The following NUP210L variants were observed in gnomAD, a reference collection of about 807,000 sequenced individuals.
NUP210L encodes nucleoporin 210 like.
In NUP210L, 74 loss-of-function variants were observed where a neutral mutation model predicts 208.5. The ratio of observed to expected loss-of-function variants is 0.35; its 90% CI spans 0.29 to 0.43. The LOEUF (loss-of-function observed/expected upper bound fraction) is 0.43, where lower values mean the gene tolerates loss of function less well. Ranked by LOEUF, NUP210L falls within the 20% of genes least tolerant of loss-of-function variation. The pLI is 1.00. For missense variants in NUP210L, 1,843 were observed against 2,289.4 expected (o/e 0.81, Z 3.98); for synonymous variants, 780 against 816.9 (o/e 0.95, Z 0.77).
At chr1:153,995,997 T>TAA (rs530432726) in intron 37 of NUP210L, 3 of 340,490 alleles carry the variant, frequency 8.8e-6, no homozygotes, top group South Asian at 4.7e-5. Flanking sequence ...TGAGGAGACT[T>TAA]AAAAAAAAAA....
Position 154,072,327 on chromosome 1 carries a change from C to CTTTTTTTT in NUP210L, c.2362-1870_2362-1863dup, listed in dbSNP as rs1213732819. Among the ~76,000 whole-genome samples the CTTTTTTTT allele has an allele frequency of 1.1e-4, 9 of 80,284 alleles. 1 individual carries two copies. Among genetic ancestry groups the CTTTTTTTT allele is most frequent in the Admixed American group, 3.7e-4 (2 of 5,400 alleles). 52.7% of individuals were successfully genotyped at this position (80,284 alleles called of 152,430 possible). A position where few individuals can be genotyped will look rare whatever the true frequency, so the allele number is the denominator to read the frequency against. ...TTTTTTATTTTAATTATGGCCATTC[C>CTTTTTTTT]TTTTTTTTTTTTTTTTTTTTTTTGA... On this transcript the variant is annotated intron_variant, in intron 16 of 39. Coordinates refer to ENST00000368559, the Ensembl canonical transcript of NUP210L.
At chr1:154,002,412 T>A (rs117794903) in intron 35 of NUP210L, among the ~76,000 whole-genome samples, 2 of 151,942 alleles carry the variant, frequency 1.3e-5, no homozygotes, top group East Asian at 3.9e-4. Flanking sequence ...GGTGGGTGGA[T>A]CACAAGGTCA....
intron 12 of NUP210L, among the ~76,000 whole-genome samples, chr1:154,111,444 A>C (rs1657034740): frequency 6.6e-6 from 1 of 151,306 alleles, no homozygotes; most frequent in Admixed American, 6.6e-5. Context: ...ATCTGAGATG[A>C]AAAAGAAGAT....
chr1:153,998,824 G>T (rs1055235682), intron 37 of NUP210L, among the ~76,000 whole-genome samples: 1 of 150,300 alleles, frequency 6.7e-6, no homozygotes, highest in African/African-American at 2.5e-5. Flanking sequence ...GGCTTAGGCA[G>T]TCCTCCCACC....
exon 13 of NUP210L, chr1:154,104,106 T>C (rs745338846): frequency 6.2e-7 from 1 of 1,614,100 alleles, no homozygotes; most frequent in South Asian, 1.1e-5. Flanking sequence ...CTTTGGTCTC[T>C]TTATTTATGT....
chr1:154,051,975 A>G (rs1052782336), intron 25 of NUP210L, among the ~76,000 whole-genome samples: 2 of 152,268 alleles, frequency 1.3e-5, no homozygotes, highest in Non-Finnish European at 2.9e-5. Flanking sequence ...CCATAGTGGA[A>G]AGAATGAACC....
intron 37 of NUP210L, among the ~76,000 whole-genome samples, chr1:153,999,466 G>A (rs746435769): frequency 1.3e-5 from 2 of 152,102 alleles, no homozygotes; most frequent in Non-Finnish European, 1.5e-5. Flanking sequence ...GGCCGGGTGC[G>A]GTGGCTCATG....
At chr1:154,138,330 C>G (rs1481136803) in intron 5 of NUP210L, 92 bp from the exon 6 acceptor site, 1 of 1,161,786 alleles carries the variant, frequency 8.6e-7, no homozygotes, top group African/African-American at 1.6e-5. Flanking sequence ...TTCTTTTAAA[C>G]TTCTTTTAAA....
At chr1:154,091,879 G>C (rs1350435931) in intron 15 of NUP210L, among the ~76,000 whole-genome samples, 2 of 151,674 alleles carry the variant, frequency 1.3e-5, no homozygotes, top group Non-Finnish European at 2.9e-5. Flanking sequence ...GCTTTAAAAG[G>C]AAGGAAATTC....
intron 38 of NUP210L, 50 bp from the exon 39 acceptor site, chr1:153,993,139 A>G (rs758795539): frequency 7.7e-7 from 1 of 1,300,892 alleles, no homozygotes. Flanking sequence ...GAAGGCCTTA[A>G]AAGGCAAAGT....
chr1:154,011,887 A>AT (rs1650948091), intron 34 of NUP210L, among the ~76,000 whole-genome samples: 1 of 151,164 alleles, frequency 6.6e-6, no homozygotes, highest in African/African-American at 2.4e-5. Context: ...GGGTTTCACC[A>AT]TGTTGGTCAG....
At chr1:154,064,852 A>C (rs1230540473) in intron 17 of NUP210L, among the ~76,000 whole-genome samples, 2 of 152,072 alleles carry the variant, frequency 1.3e-5, no homozygotes, top group Non-Finnish European at 2.9e-5. Flanking sequence ...AGGCAGGCAG[A>C]TCACTTGAGG....
intron 16 of NUP210L, among the ~76,000 whole-genome samples, chr1:154,087,298 C>A (rs896959083): frequency 1.7e-5 from 2 of 118,574 alleles, no homozygotes; most frequent in Admixed American, 1.1e-4. Flanking sequence ...CCAGCCTGGG[C>A]GAAAAGAATG....
intron 3 of NUP210L, 69 bp from the exon 4 acceptor site, chr1:154,141,593 G>A: frequency 1.1e-6 from 1 of 933,028 alleles, no homozygotes; most frequent in Non-Finnish European, 1.7e-6. Flanking sequence ...TTTACAACAA[G>A]AAAGGGAAAC....
chr1:154,125,587 A>ACT (rs1657854583), intron 10 of NUP210L, among the ~76,000 whole-genome samples: 1 of 145,870 alleles, frequency 6.9e-6, no homozygotes, highest in African/African-American at 2.5e-5. Context: ...GCACCACTGC[A>ACT]CTCCATCCTG....
exon 5 of NUP210L, chr1:154,139,941 T>C (rs1050038645): frequency 6.2e-7 from 1 of 1,607,056 alleles, no homozygotes; most frequent in East Asian, 2.2e-5. Context: ...TGCTTCGGAG[T>C]ATTTAAGAAT....
intron 3 of NUP210L, among the ~76,000 whole-genome samples, chr1:154,142,141 ACT>A (rs1174704199): frequency 6.7e-6 from 1 of 150,058 alleles, no homozygotes; most frequent in African/African-American, 2.5e-5. Flanking sequence ...TGAGTGACAG[ACT>A]CTGTATCCAA....
chr1:154,055,088 C>CT (rs1348305168), intron 23 of NUP210L, among the ~76,000 whole-genome samples: 1 of 149,704 alleles, frequency 6.7e-6, no homozygotes, highest in East Asian at 2.0e-4. Flanking sequence ...TCCTTTCCTT[C>CT]CTTTCCTTCT....
At chr1:154,060,208 C>T (rs1296798043) in intron 20 of NUP210L, among the ~76,000 whole-genome samples, 1 of 152,144 alleles carries the variant, frequency 6.6e-6, no homozygotes, top group Non-Finnish European at 1.5e-5. Flanking sequence ...CACTGCACTC[C>T]AGCCCAGGCA....
Sources: allele counts gnomAD v4.1 joint callset (sites outside exome capture counted in the v4.1 genomes callset), GRCh38; gene constraint gnomAD v4.1.1; transcripts MANE v1.5; gene names NCBI Gene and HGNC (gene_info 2026-07-23, HGNC 2026-07-21).